Variants in TRIM37 observed in about 807,000 individuals in gnomAD.
The protein encoded by TRIM37 is E3 ubiquitin-protein ligase TRIM37.
Under a neutral mutation model 129.8 loss-of-function variants are expected in TRIM37, and 80 were observed. The observed-to-expected ratio is 0.62, with a 90% CI of 0.51 to 0.74. The LOEUF (loss-of-function observed/expected upper bound fraction) is 0.74, where lower values mean the gene tolerates loss of function less well. Among genes scored for constraint, TRIM37 ranks in the 30% least tolerant of loss-of-function variants. TRIM37 has a pLI of 0.00. For missense variants in TRIM37, 1,054 were observed against 1,176.5 expected, an observed-to-expected ratio of 0.90 and a Z score of 1.52; for synonymous variants, 389 against 387.1, an observed-to-expected ratio of 1.00 and a Z score of -0.06.
chr17:59,041,754 G>C lies in TRIM37; in HGVS notation c.1753+59C>G, dbSNP rs142750817. ...TACCACCTATTTAAAATATAATACA[G>C]TCAGAGAAGAGCAGAGAGAAAACAG... is the stretch of plus-strand genomic sequence containing the variant. On this transcript the variant is annotated intron_variant, in intron 17 of 23. Coordinates refer to ENST00000262294, the MANE Select transcript of TRIM37 (RefSeq NM_015294.6). 53 of 1,272,960 alleles carry C rather than the reference G, an allele frequency of 4.2e-5. 1 individual carries two copies. Among genetic ancestry groups the C allele is most frequent in the South Asian group, 3.3e-4 (28 of 84,030 alleles). 78.9% of individuals were successfully genotyped at this position (1,272,960 alleles called of 1,614,324 possible).
rs1049261091 is a variant in TRIM37 at position 59,079,720 on chromosome 17, A to G, written c.616+34T>C. The G allele has an allele frequency of 2.5e-6, 4 of 1,613,256 alleles. No homozygotes were observed. The Admixed American group carries it at 6.7e-5, about 27-fold the overall frequency. On this transcript the variant is annotated intron_variant, in intron 7 of 23. Coordinates refer to ENST00000262294, the MANE Select transcript of TRIM37 (RefSeq NM_015294.6). ...ACTGAATCTCAAAGAAGCTGAAAGC[A>G]CCAGGTACCCCAGCAGCATACATAA...
chr17:59,085,261 G>A (rs1050050939), intron 4 of TRIM37, among the ~76,000 whole-genome samples: 1 of 152,042 alleles, frequency 6.6e-6, no homozygotes, highest in Non-Finnish European at 1.5e-5. Flanking sequence ...GGGAGGCAGA[G>A]GTTGCAGTGA....
At chr17:59,012,227 G>GCAGCAGCAGCAGCAACAC (rs72443487) in intron 22 of TRIM37, 101 bp downstream of exon 22, 1 of 574,650 alleles carries the variant, frequency 1.7e-6, no homozygotes, top group African/African-American at 2.1e-5. Context: ...AGCAGCAGCA[G>GCAGCAGCAGCAGCAACAC]CACCACCACC....
At chr17:59,069,825 AAG>A (rs1375521877) in intron 9 of TRIM37, among the ~76,000 whole-genome samples, 1 of 152,180 alleles carries the variant, frequency 6.6e-6, no homozygotes, top group Non-Finnish European at 1.5e-5. Context: ...TCCTCATAAA[AAG>A]AGAAAGAGAC....
chr17:59,022,553 C>T (rs2145318714), intron 19 of TRIM37, among the ~76,000 whole-genome samples: 1 of 152,276 alleles, frequency 6.6e-6, no homozygotes, highest in South Asian at 2.1e-4. Flanking sequence ...TTATTCAATG[C>T]CTGCTGCCTT....
rs1288411238 is a variant in TRIM37 at position 59,067,026 on chromosome 17, TTTTA to T, written c.810-2625_810-2622del. ...AATTACTTTGCTTTTTAAATTTAAA[TTTTA>T]TTTATTTATTTATTTATTTATTTTT... On this transcript the variant is annotated intron_variant, in intron 9 of 23. Coordinates refer to ENST00000262294, the MANE Select transcript of TRIM37 (RefSeq NM_015294.6). Among the ~76,000 whole-genome samples, 199 of 152,108 alleles carry T rather than the reference TTTTA, an allele frequency of 1.3e-3. 2 individuals carry two copies. The East Asian group carries it at 0.017, about 13-fold the overall frequency.
chr17:59,083,210 T>A (rs924943263), intron 5 of TRIM37, among the ~76,000 whole-genome samples: 1 of 152,100 alleles, frequency 6.6e-6, no homozygotes, highest in Non-Finnish European at 1.5e-5. Context: ...CCAAGTCAGG[T>A]GGATCACCTG....
At chr17:59,099,945 A>C (rs1042897578) in intron 2 of TRIM37, among the ~76,000 whole-genome samples, 26 of 152,294 alleles carry the variant, frequency 1.7e-4, no homozygotes, top group African/African-American at 6.0e-4. Flanking sequence ...CTGGGATTAC[A>C]GACATGTACC....
At chr17:59,103,393 G>C (rs2045697941) in intron 2 of TRIM37, among the ~76,000 whole-genome samples, 1 of 152,006 alleles carries the variant, frequency 6.6e-6, no homozygotes, top group South Asian at 2.1e-4. Flanking sequence ...CCAGGCTGGA[G>C]TGCACTGGCA....
At chr17:59,033,634 T>G (rs932872011) in intron 17 of TRIM37, among the ~76,000 whole-genome samples, 1 of 151,980 alleles carries the variant, frequency 6.6e-6, no homozygotes, top group Non-Finnish European at 1.5e-5. Flanking sequence ...TAGGATGGTC[T>G]GGATCTCCTA....
intron 19 of TRIM37, among the ~76,000 whole-genome samples, chr17:59,025,021 T>C (rs2037071423): frequency 6.6e-6 from 1 of 152,210 alleles, no homozygotes; most frequent in African/African-American, 2.4e-5. Context: ...AATACTGGGT[T>C]AAACAATACC....
At chr17:59,050,379 A>C (rs1186630023) in intron 14 of TRIM37, among the ~76,000 whole-genome samples, 1 of 152,206 alleles carries the variant, frequency 6.6e-6, no homozygotes, top group Non-Finnish European at 1.5e-5. Context: ...CTAAGGAACT[A>C]AATTTTTAAT....
At chr17:59,102,327 G>C (rs2045588630) in intron 2 of TRIM37, among the ~76,000 whole-genome samples, 1 of 152,146 alleles carries the variant, frequency 6.6e-6, no homozygotes, top group Non-Finnish European at 1.5e-5. Flanking sequence ...TGAGGCATAA[G>C]GTAACAACCA....
chr17:59,033,675 A>G (rs1418711175), intron 17 of TRIM37, among the ~76,000 whole-genome samples: 1 of 151,892 alleles, frequency 6.6e-6, no homozygotes, highest in Non-Finnish European at 1.5e-5. Flanking sequence ...CAGCCTCCCA[A>G]AGTGCTGGGA....
chr17:59,031,903 C>A lies in TRIM37; in HGVS notation c.1941G>T (p.Gln647His). ...LQPRPPASLLQPTASYSRKDK... is the reference protein window; with the variant it reads ...LQPRPPASLLHPTASYSRKDK... ...TCATTGTTATTATTTTACCTGTGGGCTGCAGAAGTGAAGCAGGTGGGCGAG... is the reference window on the plus strand; with the variant it reads ...TCATTGTTATTATTTTACCTGTGGGATGCAGAAGTGAAGCAGGTGGGCGAG... The change falls in exon 18 of 24, where the codon CAG becomes CAT. Residue 647 changes from glutamine (Q) to histidine (H), a missense_variant. Gln to His is a conservative substitution (Grantham distance 24). Transcript: ENST00000262294. The A allele has an allele frequency of 6.2e-7, 1 of 1,613,976 alleles. No homozygotes were observed. Among genetic ancestry groups the A allele is most frequent in the Non-Finnish European group, 8.5e-7 (1 of 1,179,912 alleles).
At chr17:59,097,944 A>G (rs1353548130) in intron 2 of TRIM37, among the ~76,000 whole-genome samples, 4 of 152,208 alleles carry the variant, frequency 2.6e-5, no homozygotes, top group Non-Finnish European at 5.9e-5. Flanking sequence ...ATTGGTAGAA[A>G]ACTGCATTTA....
intron 21 of TRIM37, among the ~76,000 whole-genome samples, chr17:59,015,107 TAAAAAA>T (rs34792130): frequency 3.5e-5 from 5 of 142,612 alleles, no homozygotes; most frequent in African/African-American, 5.2e-5. Context: ...CTCATCCCAT[TAAAAAA>T]AAAAAAGTAA....
chr17:59,039,993 G>A (rs1247600507), intron 17 of TRIM37, among the ~76,000 whole-genome samples: 1 of 151,954 alleles, frequency 6.6e-6, no homozygotes, highest in Non-Finnish European at 1.5e-5. Context: ...CGCTTCCTGG[G>A]CTCAGGTGAT....
At chr17:59,047,888 C>T (rs2039977234) in intron 15 of TRIM37, 69 bp from the exon 16 acceptor site, 3 of 1,572,112 alleles carry the variant, frequency 1.9e-6, no homozygotes, top group Non-Finnish European at 2.6e-6. Context: ...CCCCATCCAG[C>T]CCATAAACCA....
Sources: allele counts gnomAD v4.1 joint callset (sites outside exome capture counted in the v4.1 genomes callset), GRCh38; gene constraint gnomAD v4.1.1; transcripts MANE v1.5; gene names NCBI Gene and HGNC (gene_info 2026-07-23, HGNC 2026-07-21).